Variants in COG3 observed in about 807,000 individuals in gnomAD.
COG3 encodes the protein conserved oligomeric Golgi complex subunit 3.
Under a neutral mutation model 114.1 loss-of-function variants are expected in COG3, and 32 were observed. The ratio of observed to expected loss-of-function variants is 0.28; its 90% confidence interval spans 0.21 to 0.38. The LOEUF (loss-of-function observed/expected upper bound fraction) is 0.38. Ranked by LOEUF, COG3 falls within the 10% of genes least tolerant of loss-of-function variation. The pLI is 1.00. For synonymous variants in COG3, 352 were observed against 365.7 expected (o/e 0.96, Z 0.43); for missense variants, 813 against 973.2 (o/e 0.84, Z 2.19).
Position 45,492,182 on chromosome 13 carries a change from G to T in COG3, c.1119G>T (p.Met373Ile), listed in dbSNP as rs765553262. 4 of 1,609,508 alleles carry T rather than the reference G, an allele frequency of 2.5e-6. No homozygotes were observed. In the Admixed American group the frequency reaches 6.8e-5, roughly 27 times the overall value. Residue 373 changes from methionine (M) to isoleucine (I), a missense_variant, in exon 11 of 23, where the codon ATG becomes ATT. This residue lies in a region of COG3 where 389 missense variants were observed against 542.6 expected (regional missense o/e 0.72). Transcript: ENST00000349995. Reference sequence around the variant, plus strand: ...AGGTTCGTAGTGGCTGTGCCTTCATGGTTCATGTCTGCCAGGATGAACACC... The same window carrying T: ...AGGTTCGTAGTGGCTGTGCCTTCATTGTTCATGTCTGCCAGGATGAACACC... ...CALVRSGCAFMVHVCQDEHQL... is the reference protein window; with the variant it reads ...CALVRSGCAFIVHVCQDEHQL...
At chr13:45,524,139 ATGTT>A (rs1419018969) in intron 19 of COG3, among the ~76,000 whole-genome samples, 1 of 152,104 alleles carries the variant, frequency 6.6e-6, no homozygotes, top group Non-Finnish European at 1.5e-5. Context: ...GTCTGCCTAA[ATGTT>A]TGTATGGCCT....
chr13:45,507,999 G>A (rs1053554698), intron 14 of COG3, among the ~76,000 whole-genome samples: 1 of 148,556 alleles, frequency 6.7e-6, no homozygotes, highest in Non-Finnish European at 1.5e-5. Flanking sequence ...AACCCAGGAG[G>A]TGGAGGTTGC....
rs187274375 is a variant in COG3, at chr13:45,527,263, G to C, written c.2230+2212G>C. ...CATAGTAAAGCAGGAGTAGATAAAAGGAAACTGGCAGGAGTAGACAAAAGG... is the reference window on the plus strand; with the variant it reads ...CATAGTAAAGCAGGAGTAGATAAAACGAAACTGGCAGGAGTAGACAAAAGG... On this transcript the variant is annotated intron_variant, in intron 20 of 22. Transcript: ENST00000349995. 3.9e-4 allele frequency among the ~76,000 whole-genome samples: 60 copies of C among 152,316 alleles called. 1 individual carries two copies. The highest frequency in any genetic ancestry group is 2.0e-3 in the Admixed American group (31 of 15,304).
In COG3 at chr13:45,534,852, G is replaced by C. The variant is rs751808369; in HGVS notation, c.*121G>C. ...ACGTCCCCGAGAACCACACGAGCGT[G>C]CTGCTCAGTGCTGACTGCAGAATGA... On this transcript the variant is annotated 3_prime_UTR_variant, in exon 23 of 23. Coordinates refer to ENST00000349995, the MANE Select transcript of COG3 (RefSeq NM_031431.4). 7.3e-7 allele frequency: 1 copy of C among 1,372,632 alleles called. No homozygotes were observed. Among genetic ancestry groups the C allele is most frequent in the African/African-American group, 1.5e-5 (1 of 66,432 alleles). 85.0% of individuals were successfully genotyped at this position (1,372,632 alleles called of 1,614,324 possible). A position where few individuals can be genotyped will look rare whatever the true frequency, so the allele number is the denominator to read the frequency against.
rs558617533 is a variant in COG3, at chr13:45,523,976, G to T, written c.2155-1000G>T. 4.9e-4 allele frequency among the ~76,000 whole-genome samples: 74 copies of T among 152,262 alleles called. No individual in the cohort carries two copies. In the South Asian group the frequency reaches 0.015, roughly 32 times the overall value. On this transcript the variant is annotated intron_variant, in intron 19 of 22. Coordinates refer to ENST00000349995, the MANE Select transcript of COG3 (RefSeq NM_031431.4). ...AAAAATAAAGATATGAAGAGGGATG[G>T]AGTGAGAGGAGGAAAGAGGTGATTT...
intron 3 of COG3, among the ~76,000 whole-genome samples, chr13:45,479,695 T>C (rs1886128164): frequency 6.6e-6 from 1 of 152,228 alleles, no homozygotes; most frequent in Non-Finnish European, 1.5e-5. Context: ...TCATGCAGAC[T>C]GGGCAGAGCT....
intron 22 of COG3, 108 bp downstream of exon 22, chr13:45,530,888 A>G: frequency 4.0e-6 from 5 of 1,235,710 alleles, no homozygotes; most frequent in South Asian, 2.0e-5. Context: ...TTTAAAAAAT[A>G]TTACCTTCTT....
intron 7 of COG3, among the ~76,000 whole-genome samples, chr13:45,484,576 GCTTA>G (rs983841348): frequency 2.0e-5 from 2 of 102,430 alleles, no homozygotes; most frequent in African/African-American, 1.3e-4. Context: ...CCCTAAGCTT[GCTTA>G]TTTATTTATT....
chr13:45,523,153 T>TC (rs1026056940), intron 19 of COG3, among the ~76,000 whole-genome samples: 8 of 152,184 alleles, frequency 5.3e-5, no homozygotes, highest in African/African-American at 1.9e-4. Context: ...AAAAGTGTTT[T>TC]TTTTTTTTTT....
chr13:45,502,770 T>TA (rs1245469841), intron 13 of COG3, among the ~76,000 whole-genome samples: 1 of 152,216 alleles, frequency 6.6e-6, no homozygotes, highest in African/African-American at 2.4e-5. Flanking sequence ...TTTTATGCCT[T>TA]ACCTGCCTCC....
At chr13:45,498,940 C>T (rs1344807296) in intron 13 of COG3, among the ~76,000 whole-genome samples, 1 of 151,976 alleles carries the variant, frequency 6.6e-6, no homozygotes, top group African/African-American at 2.4e-5. Flanking sequence ...TTCCTTGCTC[C>T]AGGAATGTTT....
At chr13:45,518,029 T>C (rs1480614592) in intron 17 of COG3, among the ~76,000 whole-genome samples, 1 of 152,202 alleles carries the variant, frequency 6.6e-6, no homozygotes, top group Non-Finnish European at 1.5e-5. Flanking sequence ...AGCTTTACTC[T>C]GAATACTGAA....
Position 45,535,194 on chromosome 13 carries a change from T to C in COG3, c.*463T>C. The stretch of plus-strand genomic sequence containing the variant: ...ACAGTGAAATGTTATTTCTATGCTC[T>C]TATTTAATGTAATGTTTCTCCTGTC... On this transcript the variant is annotated 3_prime_UTR_variant, in exon 23 of 23. Transcript: ENST00000349995. The C allele has an allele frequency of 1.0e-6, 1 of 986,780 alleles. No individual in the cohort carries two copies. 61.1% of individuals were successfully genotyped at this position (986,780 alleles called of 1,614,324 possible). A position where few individuals can be genotyped will look rare whatever the true frequency, so the allele number is the denominator to read the frequency against.
intron 2 of COG3, among the ~76,000 whole-genome samples, chr13:45,478,782 C>G (rs1886070980): frequency 6.6e-6 from 1 of 152,246 alleles, no homozygotes; most frequent in Non-Finnish European, 1.5e-5. Flanking sequence ...AGCCACCACA[C>G]CCGGTGAAAT....
intron 22 of COG3, among the ~76,000 whole-genome samples, chr13:45,531,848 G>A (rs542750553): frequency 1.3e-5 from 2 of 152,268 alleles, no homozygotes; most frequent in East Asian, 1.9e-4. Flanking sequence ...GAGAAAGATG[G>A]GGTGGTAGCC....
chr13:45,496,879 T>G (rs1868857016), intron 13 of COG3, among the ~76,000 whole-genome samples: 1 of 151,904 alleles, frequency 6.6e-6, no homozygotes, highest in Non-Finnish European at 1.5e-5. Flanking sequence ...TTCACCGTGT[T>G]AGCCAGGATG....
At chr13:45,481,376 T>C (rs944365482) in intron 5 of COG3, 72 bp downstream of exon 5, 7 of 783,986 alleles carry the variant, frequency 8.9e-6, no homozygotes, top group African/African-American at 1.8e-5. Flanking sequence ...CGTGTCATCT[T>C]TTAATCTATA....
In COG3 at chr13:45,493,373, C is replaced by A; in HGVS notation, c.1214C>A (p.Ser405Ter). 6.2e-7 allele frequency: 1 copy of A among 1,612,412 alleles called. No homozygotes were observed. Among genetic ancestry groups the A allele is most frequent in the South Asian group, 1.1e-5 (1 of 90,876 alleles). The part of the protein sequence containing the change: ...LDELLEKLCV[S>*]LYDVFRPLII... ...GAGCTTTTGGAGAAACTGTGTGTGT[C>A]ATTGTATGATGTCTTCAGGCCATTG... The change falls in exon 12 of 23, where the codon TCA becomes TAA. Residue 405 changes from serine (S) to a stop codon, truncating the protein, a stop_gained. Transcript: ENST00000349995. LOFTEE classifies it high-confidence loss of function.
intron 1 of COG3, among the ~76,000 whole-genome samples, chr13:45,469,287 A>C (rs1381648701): frequency 6.6e-6 from 1 of 152,238 alleles, no homozygotes; most frequent in Non-Finnish European, 1.5e-5. Context: ...TAGAGTTTTC[A>C]AATTATTTTA....
Sources: gnomAD v4.1 joint callset for allele counts (sites outside exome capture counted in the v4.1 genomes callset) on GRCh38, gnomAD v4.1.1 for gene constraint, gnomAD v4.1.1 regional missense constraint, MANE v1.5 for transcripts, NCBI Gene and HGNC (gene_info 2026-07-23, HGNC 2026-07-21) for gene names.